TMEM114: variants seen among roughly 807,000 people sequenced by gnomAD.
TMEM114 encodes claudin-26.
TMEM114 carries 6 observed loss-of-function variants against 6.2 expected under a neutral mutation model. The observed-to-expected ratio is 0.97, with a 90% CI of 0.53 to 1.91. TMEM114 has a LOEUF of 1.91. TMEM114 is among the 40% of genes most tolerant of loss of function. The pLI, the probability that TMEM114 is intolerant of heterozygous loss-of-function variation, is 0.01. For missense variants in TMEM114, 218 were observed against 158.3 expected, an observed-to-expected ratio of 1.38 and a Z score of -2.02; for synonymous variants, 104 against 73.0, an observed-to-expected ratio of 1.42 and a Z score of -2.16.
chr16:8,564,294 T>C (rs1178056177), intron 2 of TMEM114, among the ~76,000 whole-genome samples: 1 of 145,314 alleles, frequency 6.9e-6, no homozygotes, highest in Non-Finnish European at 1.5e-5. Flanking sequence ...ATGAAATAAG[T>C]GAATGAGTGA....
chr16:8,564,690 T>TGAGGGAGGGAGG (rs1406305704), downstream of TMEM114, among the ~76,000 whole-genome samples: 40 of 78,130 alleles, frequency 5.1e-4, no homozygotes, highest in Non-Finnish European at 8.0e-4. Context: ...AATGAGTGAG[T>TGAGGGAGGGAGG]GAATGAGTGA....
chr16:8,557,611 G>T (rs1197607857), intron 2 of TMEM114, among the ~76,000 whole-genome samples: 1 of 152,210 alleles, frequency 6.6e-6, no homozygotes, highest in Non-Finnish European at 1.5e-5. Context: ...AGAAATGTAT[G>T]TGGCCCTTAA....
chr16:8,537,534 TA>T (rs1349382161), downstream of TMEM114: 82 of 152,212 alleles, frequency 5.4e-4, 1 homozygote, highest in African/African-American at 1.9e-3. Flanking sequence ...AACAAATATA[TA>T]TTTATATATG....
At chr16:8,544,586 A>G (rs1054249549) in intron 2 of TMEM114, among the ~76,000 whole-genome samples, 16 of 152,236 alleles carry the variant, frequency 1.1e-4, no homozygotes, top group African/African-American at 3.6e-4. Flanking sequence ...ATGATAGCTC[A>G]TAAGACTCTT....
the TMEM114 span, among the ~76,000 whole-genome samples, chr16:8,530,941 C>T: frequency 1.2e-4 from 19 of 152,088 alleles, no homozygotes; most frequent in South Asian, 1.0e-3. Flanking sequence ...AAGAGAATGG[C>T]TTGAAGTGGG....
chr16:8,530,858 C>T, the TMEM114 span, among the ~76,000 whole-genome samples: 1 of 151,970 alleles, frequency 6.6e-6, no homozygotes, highest in East Asian at 1.9e-4. Context: ...ACCCCCACAT[C>T]TACTAAAAAT....
intron 2 of TMEM114, among the ~76,000 whole-genome samples, chr16:8,563,919 G>A (rs369893011): frequency 2.0e-5 from 3 of 148,172 alleles, no homozygotes; most frequent in African/African-American, 7.5e-5. Context: ...GTGAGGGAAT[G>A]AGTAAATGAG....
At chr16:8,531,779 G>A in the TMEM114 span, among the ~76,000 whole-genome samples, 3 of 152,192 alleles carry the variant, frequency 2.0e-5, no homozygotes, top group Admixed American at 6.5e-5. Flanking sequence ...ACAGTCAACC[G>A]AATAGTCCAT....
chr16:8,565,195 G>A (rs189273499), downstream of TMEM114, among the ~76,000 whole-genome samples: 2 of 152,246 alleles, frequency 1.3e-5, no homozygotes, highest in Admixed American at 1.3e-4. Context: ...TGATTAATGG[G>A]AAAATGTATG....
chr16:8,557,849 G>C (rs188729383), intron 2 of TMEM114, among the ~76,000 whole-genome samples: 133 of 152,302 alleles, frequency 8.7e-4, no homozygotes, highest in African/African-American at 2.6e-3. Context: ...AAATAATCTT[G>C]TGATATAGTG....
downstream of TMEM114, among the ~76,000 whole-genome samples, chr16:8,565,567 C>T (rs1280976247): frequency 6.6e-6 from 1 of 152,126 alleles, no homozygotes; most frequent in Non-Finnish European, 1.5e-5. Flanking sequence ...ATCCCCTCCT[C>T]TAACCCCCGG....
intron 2 of TMEM114, among the ~76,000 whole-genome samples, chr16:8,555,036 A>G (rs73505799): frequency 0.014 from 2,148 of 152,226 alleles, 59 homozygotes; most frequent in African/African-American, 0.05. Context: ...GGGCCTTCCC[A>G]CTCATGGGGT....
At chr16:8,569,184 T>C (rs1901636796), downstream of TMEM114, among the ~76,000 whole-genome samples, 1 of 152,158 alleles carries the variant, frequency 6.6e-6, no homozygotes, top group Admixed American at 6.5e-5. Context: ...TGGATTTTTC[T>C]GGGGGAGGAC....
intron 2 of TMEM114, among the ~76,000 whole-genome samples, chr16:8,539,210 C>T (rs1325608160): frequency 2.0e-5 from 3 of 152,152 alleles, no homozygotes; most frequent in African/African-American, 7.2e-5. Flanking sequence ...TTTGAGGATC[C>T]CTGGGCCAAC....
intron 2 of TMEM114, among the ~76,000 whole-genome samples, chr16:8,561,919 A>G (rs1414440789): frequency 3.3e-5 from 4 of 122,298 alleles, no homozygotes; most frequent in East Asian, 3.1e-4. Context: ...TGAATGAGTA[A>G]GTGAATGAGT....
intron 2 of TMEM114, among the ~76,000 whole-genome samples, chr16:8,539,066 T>G (rs1426071666): frequency 6.6e-6 from 1 of 152,166 alleles, no homozygotes; most frequent in East Asian, 1.9e-4. Context: ...TTAAATAGCG[T>G]ATTTGTGAGT....
At chr16:8,537,206 A>G (rs1900386026), downstream of TMEM114, among the ~76,000 whole-genome samples, 2 of 151,920 alleles carry the variant, frequency 1.3e-5, no homozygotes, top group African/African-American at 4.8e-5. Flanking sequence ...TCCTGTCTCA[A>G]AAAACAAAAA....
At chr16:8,553,439 C>G (rs1476959489) in intron 2 of TMEM114, among the ~76,000 whole-genome samples, 1 of 152,042 alleles carries the variant, frequency 6.6e-6, no homozygotes, top group African/African-American at 2.4e-5. Context: ...CTCTGTTGCC[C>G]AGGCTGGAGT....
intron 2 of TMEM114, among the ~76,000 whole-genome samples, chr16:8,561,631 A>G (rs4569257): frequency 0.61 from 92,806 of 152,170 alleles, 28,461 homozygotes; most frequent in East Asian, 0.8. Context: ...ATGAATGAAT[A>G]ACTATATGAA....
Sources: allele counts gnomAD v4.1 joint callset (sites outside exome capture counted in the v4.1 genomes callset), GRCh38; gene constraint gnomAD v4.1.1; transcripts MANE v1.5; gene names NCBI Gene and HGNC (gene_info 2026-07-23, HGNC 2026-07-21).